Variants in ARHGAP10 observed in about 807,000 individuals in gnomAD.
ARHGAP10 encodes the protein rho GTPase-activating protein 10.
ARHGAP10 carries 87 observed loss-of-function variants against 108.6 expected under a neutral mutation model. The ratio of observed to expected loss-of-function variants is 0.80; its 90% CI spans 0.67 to 0.96. The LOEUF (loss-of-function observed/expected upper bound fraction) is 0.96, where lower values mean the gene tolerates loss of function less well. Ranked by LOEUF, ARHGAP10 falls within the 40% of genes least tolerant of loss-of-function variation. The probability of loss-of-function intolerance (pLI) is 0.00; values close to 1 mark genes in which losing one functional copy is unlikely to be tolerated. For synonymous variants in ARHGAP10, 347 were observed against 341.1 expected (o/e 1.02, Z -0.19); for missense variants, 939 against 954.5 (o/e 0.98, Z 0.21).
In ARHGAP10 at chr4:147,864,869, C is replaced by CT. The variant is rs756321585; in HGVS notation, c.510_511insT (p.Arg171SerfsTer6). ...AGGCAGATATCCAAGTAGAGCAGAA[C>CT]CGGCAACACTTCTATGAACTGTCTC... On this transcript the variant is annotated frameshift_variant, in exon 6 of 23. Coordinates refer to ENST00000336498, the MANE Select transcript of ARHGAP10 (RefSeq NM_024605.4). LOFTEE classifies it high-confidence loss of function. 6.2e-7 allele frequency: 1 copy of CT among 1,613,844 alleles called. No homozygotes were observed. The highest frequency in any genetic ancestry group is 8.5e-7 in the Non-Finnish European group (1 of 1,179,908).
intron 14 of ARHGAP10, among the ~76,000 whole-genome samples, chr4:147,943,357 T>C (rs6815620): frequency 0.028 from 4,247 of 152,312 alleles, 207 homozygotes; most frequent in African/African-American, 0.097. Flanking sequence ...CTTGTTTCCT[T>C]TGTAGGACAG....
At chr4:148,004,276 G>A (rs1740854461) in intron 18 of ARHGAP10, among the ~76,000 whole-genome samples, 1 of 152,190 alleles carries the variant, frequency 6.6e-6, no homozygotes, top group Non-Finnish European at 1.5e-5. Context: ...TTGCAAAAAT[G>A]CAAAGCACCT....
intron 13 of ARHGAP10, chr4:147,917,324 C>G (rs1231857722): frequency 6.6e-6 from 1 of 152,208 alleles, no homozygotes; most frequent in African/African-American, 2.4e-5. Context: ...AATTTAGGGA[C>G]ATGGGTTTTT....
chr4:147,990,439 A>G (rs1381623555), intron 18 of ARHGAP10, among the ~76,000 whole-genome samples: 1 of 152,150 alleles, frequency 6.6e-6, no homozygotes, highest in Non-Finnish European at 1.5e-5. Context: ...TAATCTTCCA[A>G]TTTCCAAGAT....
At chr4:147,969,483 T>A (rs573732816) in intron 18 of ARHGAP10, among the ~76,000 whole-genome samples, 1 of 152,148 alleles carries the variant, frequency 6.6e-6, no homozygotes, top group African/African-American at 2.4e-5. Context: ...ATAATTAGAC[T>A]ACAAGCTTTG....
intron 18 of ARHGAP10, among the ~76,000 whole-genome samples, chr4:147,973,044 C>T (rs181111083): frequency 6.8e-4 from 104 of 152,230 alleles, no homozygotes; most frequent in African/African-American, 2.1e-3. Flanking sequence ...CATGAGCCAC[C>T]GTGACTGGCC....
At chr4:147,982,365 C>CTTTT (rs70958599) in intron 18 of ARHGAP10, among the ~76,000 whole-genome samples, 5 of 124,620 alleles carry the variant, frequency 4.0e-5, no homozygotes, top group South Asian at 2.5e-4. Flanking sequence ...TTCTTTCTTT[C>CTTTT]TTTTTTTTTT....
At chr4:147,951,598 T>C (rs986947632) in intron 15 of ARHGAP10, among the ~76,000 whole-genome samples, 1 of 152,118 alleles carries the variant, frequency 6.6e-6, no homozygotes, top group African/African-American at 2.4e-5. Flanking sequence ...TTTTTTCTTT[T>C]ATTTTTCAAT....
chr4:147,814,892 G>A (rs561119868), intron 1 of ARHGAP10, among the ~76,000 whole-genome samples: 13 of 152,066 alleles, frequency 8.5e-5, no homozygotes, highest in South Asian at 4.1e-4. Flanking sequence ...CTGGGGGTTT[G>A]GATTTCAGTA....
intron 16 of ARHGAP10, among the ~76,000 whole-genome samples, chr4:147,959,531 C>T (rs1430257157): frequency 2.0e-5 from 3 of 151,992 alleles, no homozygotes; most frequent in Admixed American, 6.6e-5. Flanking sequence ...CCCCACCCCA[C>T]GACAGGCCCA....
chr4:148,060,039 G>T lies in ARHGAP10; in HGVS notation c.2028-3109G>T, dbSNP rs1033460425. 8.0e-5 allele frequency among the ~76,000 whole-genome samples: 11 copies of T among 137,618 alleles called. No homozygotes were observed. In the Admixed American group the frequency reaches 8.2e-4, roughly 10 times the overall value. The allele number at this position is 137,618 out of a possible 152,430, so 90.3% of individuals were successfully genotyped here. ...GAGGGGAGAGAGACGAGAGAGAGAC[G>T]AGAGACAGATATGCCTTAGGGCTCA... On this transcript the variant is annotated intron_variant, in intron 20 of 22. Transcript: ENST00000336498.
At chr4:147,854,739 A>G in intron 4 of ARHGAP10, 1 of 984,750 alleles carries the variant, frequency 1.0e-6, no homozygotes, top group Non-Finnish European at 1.2e-6. Flanking sequence ...GAACAAATGC[A>G]GGAAGAAATA....
At chr4:147,763,066 A>G (rs372461135) in intron 1 of ARHGAP10, among the ~76,000 whole-genome samples, 6 of 152,198 alleles carry the variant, frequency 3.9e-5, no homozygotes, top group Admixed American at 2.0e-4. Context: ...AAAACCCATA[A>G]TAAAACTGTA....
chr4:147,828,880 GT>G (rs11381308), intron 3 of ARHGAP10, among the ~76,000 whole-genome samples: 12 of 145,200 alleles, frequency 8.3e-5, no homozygotes, highest in Non-Finnish European at 7.5e-5. Flanking sequence ...AGTCAAGATA[GT>G]TTTTTTTTTT....
At chr4:147,964,198 G>A (rs918380420) in intron 16 of ARHGAP10, among the ~76,000 whole-genome samples, 2 of 152,030 alleles carry the variant, frequency 1.3e-5, no homozygotes, top group Non-Finnish European at 2.9e-5. Flanking sequence ...GGGCCCTTAC[G>A]CTACAGGCTG....
chr4:147,899,872 C>G (rs1418270817), intron 10 of ARHGAP10, among the ~76,000 whole-genome samples: 2 of 96,684 alleles, frequency 2.1e-5, no homozygotes, highest in African/African-American at 5.9e-5. Flanking sequence ...TTGTTACGTG[C>G]TGGGTTTTTT....
intron 18 of ARHGAP10, among the ~76,000 whole-genome samples, chr4:148,022,326 G>C (rs1741600442): frequency 6.6e-6 from 1 of 152,174 alleles, no homozygotes; most frequent in South Asian, 2.1e-4. Flanking sequence ...TTCATGTTTT[G>C]TTTAAAGCTG....
intron 4 of ARHGAP10, among the ~76,000 whole-genome samples, chr4:147,849,343 G>T (rs981348920): frequency 5.9e-5 from 9 of 151,824 alleles, no homozygotes; most frequent in African/African-American, 2.2e-4. Context: ...AACAGGAAAG[G>T]GCTTAAGTTT....
intron 1 of ARHGAP10, among the ~76,000 whole-genome samples, chr4:147,747,185 C>A (rs1439369152): frequency 6.6e-6 from 1 of 151,696 alleles, no homozygotes; most frequent in Non-Finnish European, 1.5e-5. Context: ...GTATTAAAAC[C>A]GATTTTCTCT....
Sources: allele counts gnomAD v4.1 joint callset (sites outside exome capture counted in the v4.1 genomes callset), GRCh38; gene constraint gnomAD v4.1.1; transcripts MANE v1.5; gene names NCBI Gene and HGNC (gene_info 2026-07-23, HGNC 2026-07-21).